NAALADL2: variants seen among roughly 807,000 people sequenced by gnomAD.
NAALADL2 encodes the protein inactive N-acetylated-alpha-linked acidic dipeptidase-like protein 2.
NAALADL2 carries 76 observed loss-of-function variants against 87.2 expected under a neutral mutation model. The observed-to-expected ratio is 0.87, with a 90% CI of 0.72 to 1.05. NAALADL2 has a LOEUF of 1.05. Among genes scored for constraint, NAALADL2 ranks in the 50% least tolerant of loss-of-function variants. The probability of loss-of-function intolerance (pLI) is 0.00; values close to 1 mark genes in which losing one functional copy is unlikely to be tolerated. For missense variants in NAALADL2, 1,089 were observed against 945.8 expected (o/e 1.15, Z -1.99); for synonymous variants, 354 against 331.0 (o/e 1.07, Z -0.75).
intron 5 of NAALADL2, among the ~76,000 whole-genome samples, chr3:175,340,014 G>C (rs1762411830): frequency 1.3e-5 from 2 of 152,088 alleles, no homozygotes; most frequent in African/African-American, 4.8e-5. Flanking sequence ...TTAGGATTTT[G>C]AGAGTTTCAT....
intron 11 of NAALADL2, among the ~76,000 whole-genome samples, chr3:175,650,723 C>T (rs1198908848): frequency 6.6e-6 from 1 of 152,150 alleles, no homozygotes; most frequent in East Asian, 1.9e-4. Context: ...GATGTTTTCT[C>T]ATTCATCCAA....
chr3:175,260,683 A>G (rs1427089372), intron 4 of NAALADL2, among the ~76,000 whole-genome samples: 1 of 152,188 alleles, frequency 6.6e-6, no homozygotes, highest in Non-Finnish European at 1.5e-5. Flanking sequence ...ATGCAGCTGA[A>G]TGAGTAAAGA....
At chr3:175,743,271 G>T (rs1484345982) in intron 12 of NAALADL2, among the ~76,000 whole-genome samples, 3 of 152,206 alleles carry the variant, frequency 2.0e-5, no homozygotes, top group East Asian at 1.9e-4. Context: ...AAAGTGCTGG[G>T]ATTACAGGCA....
chr3:175,715,478 A>G lies in NAALADL2; in HGVS notation c.1897-21828A>G, dbSNP rs150664308. Among the ~76,000 whole-genome samples the G allele has an allele frequency of 1.4e-3, 212 of 152,326 alleles. 1 individual carries two copies. Among genetic ancestry groups the G allele is most frequent in the African/African-American group, 3.9e-3 (164 of 41,582 alleles). On this transcript the variant is annotated intron_variant, in intron 11 of 13. Transcript: ENST00000454872. ...AATATTTTTTGCATAGACATTGTAA[A>G]TGTTATTATTAGATGTCTTTATTAT...
intron 1 of NAALADL2, among the ~76,000 whole-genome samples, chr3:175,087,252 G>T (rs1250387948): frequency 6.6e-6 from 1 of 152,072 alleles, no homozygotes; most frequent in East Asian, 1.9e-4. Flanking sequence ...GGCAGCCCCT[G>T]CCCGGCCAGC....
chr3:174,620,760 T>A (rs1301822214), intron 2 of NAALADL2, among the ~76,000 whole-genome samples: 1 of 152,088 alleles, frequency 6.6e-6, no homozygotes, highest in African/African-American at 2.4e-5. Context: ...TGGGTGCACA[T>A]AAATACTTAT....
intron 2 of NAALADL2, among the ~76,000 whole-genome samples, chr3:175,154,320 G>A (rs1012882840): frequency 6.6e-6 from 1 of 152,036 alleles, no homozygotes; most frequent in Admixed American, 6.6e-5. Flanking sequence ...ATAATAATAT[G>A]GAAAATTATC....
intron 11 of NAALADL2, among the ~76,000 whole-genome samples, chr3:175,628,235 T>C (rs1727272492): frequency 6.6e-6 from 1 of 151,752 alleles, no homozygotes; most frequent in South Asian, 2.1e-4. Flanking sequence ...TTCTATAAAA[T>C]AGGCTTTGTG....
intron 4 of NAALADL2, among the ~76,000 whole-genome samples, chr3:175,263,007 A>AAC (rs985673888): frequency 1.3e-5 from 2 of 151,460 alleles, no homozygotes; most frequent in African/African-American, 4.8e-5. Context: ...TGCAAAAAAA[A>AAC]AAAAAACAAA....
intron 1 of NAALADL2, among the ~76,000 whole-genome samples, chr3:174,882,518 T>C (rs141999388): frequency 1.2e-4 from 18 of 149,248 alleles, no homozygotes; most frequent in Non-Finnish European, 2.5e-4. Flanking sequence ...TATACATATG[T>C]GCATATACAC....
At chr3:174,495,093 T>G (rs933558449) in intron 1 of NAALADL2, among the ~76,000 whole-genome samples, 1 of 152,108 alleles carries the variant, frequency 6.6e-6, no homozygotes, top group African/African-American at 2.4e-5. Context: ...AGCCAAAATA[T>G]CTACTGGAGA....
At chr3:175,452,180 T>A (rs1389597397) in intron 6 of NAALADL2, among the ~76,000 whole-genome samples, 1 of 152,158 alleles carries the variant, frequency 6.6e-6, no homozygotes, top group Non-Finnish European at 1.5e-5. Flanking sequence ...TTGCTCCATG[T>A]GAGAAGATCC....
intron 4 of NAALADL2, among the ~76,000 whole-genome samples, chr3:175,282,305 A>T (rs868249673): frequency 2.0e-4 from 30 of 152,186 alleles, no homozygotes; most frequent in African/African-American, 7.2e-4. Flanking sequence ...CTGTTCTGTT[A>T]CTTGATAAAG....
chr3:175,466,969 C>A lies in NAALADL2; in HGVS notation c.1328-10C>A. 1.2e-6 allele frequency: 2 copies of A among 1,602,644 alleles called. No homozygotes were observed. On this transcript the variant is annotated splice_polypyrimidine_tract_variant and intron_variant, in intron 7 of 13. Transcript: ENST00000454872. ...TTTTTTAAATGGCTCTTGTCCCTTT[C>A]TATTTTCAGACCGGTATATCATAGT...
chr3:175,741,192 G>A (rs531982405), intron 12 of NAALADL2, among the ~76,000 whole-genome samples: 1 of 152,236 alleles, frequency 6.6e-6, no homozygotes, highest in South Asian at 2.1e-4. Context: ...AATTCTGGAG[G>A]CTGAGATATC....
intron 3 of NAALADL2, among the ~76,000 whole-genome samples, chr3:174,771,173 G>A (rs946795355): frequency 6.6e-6 from 1 of 151,948 alleles, no homozygotes; most frequent in Non-Finnish European, 1.5e-5. Flanking sequence ...CACACTTTTG[G>A]GTATCAAGGA....
intron 2 of NAALADL2, among the ~76,000 whole-genome samples, chr3:174,674,709 A>G (rs1252934635): frequency 6.6e-6 from 1 of 151,914 alleles, no homozygotes; most frequent in East Asian, 1.9e-4. Context: ...CTATTTTTTT[A>G]CACTATCATT....
intron 10 of NAALADL2, among the ~76,000 whole-genome samples, chr3:175,607,164 T>C (rs557916330): frequency 1.3e-5 from 2 of 152,222 alleles, no homozygotes; most frequent in Non-Finnish European, 2.9e-5. Flanking sequence ...TCCATTGAAC[T>C]TAGATTATAT....
intron 3 of NAALADL2, among the ~76,000 whole-genome samples, chr3:174,842,198 T>A (rs1332125553): frequency 6.6e-6 from 1 of 151,982 alleles, no homozygotes; most frequent in Non-Finnish European, 1.5e-5. Flanking sequence ...ATTACAGCCA[T>A]GCACCACCAC....
Sources: allele counts gnomAD v4.1 joint callset (sites outside exome capture counted in the v4.1 genomes callset), GRCh38; gene constraint gnomAD v4.1.1; transcripts MANE v1.5; gene names NCBI Gene and HGNC (gene_info 2026-07-23, HGNC 2026-07-21).